RASA3: variants seen among roughly 807,000 people sequenced by gnomAD.
RASA3 encodes ras GTPase-activating protein 3.
In RASA3, 73 loss-of-function variants were observed where a neutral mutation model predicts 110.0. The observed-to-expected ratio is 0.66, with a 90% confidence interval of 0.55 to 0.81. RASA3 has a LOEUF of 0.81. RASA3 is among the 30% of genes least tolerant of loss of function. RASA3 has a pLI of 0.00. For synonymous variants in RASA3, 500 were observed against 451.4 expected (o/e 1.11, Z -1.37); for missense variants, 976 against 1,113.2 (o/e 0.88, Z 1.75).
At position 114,052,638 on chromosome 13, in the gene RASA3, G is replaced by A. The variant is rs117135219; in HGVS notation, c.174-483C>T. Among the ~76,000 whole-genome samples, 860 of 152,260 alleles carry A rather than the reference G, an allele frequency of 5.6e-3. 1 individual carries two copies. Among genetic ancestry groups the A allele is most frequent in the African/African-American group, 0.016 (684 of 41,516 alleles). On this transcript the variant is annotated intron_variant, in intron 2 of 23. Transcript: ENST00000334062. Reference sequence around the variant, plus strand: ...CCCAGCCGCCCTCACTCCTCGGGGAGAGACCCCCGCTGCTGACTGTACTTA... The same window carrying A: ...CCCAGCCGCCCTCACTCCTCGGGGAAAGACCCCCGCTGCTGACTGTACTTA...
At chr13:114,118,506 C>A (rs2080325841) in intron 1 of RASA3, among the ~76,000 whole-genome samples, 1 of 152,222 alleles carries the variant, frequency 6.6e-6, no homozygotes, top group African/African-American at 2.4e-5. Flanking sequence ...CCAACTCTAG[C>A]CCCAAATCCT....
intron 9 of RASA3, among the ~76,000 whole-genome samples, chr13:114,020,944 G>C (rs1349253167): frequency 1.3e-5 from 2 of 152,210 alleles, no homozygotes; most frequent in African/African-American, 4.8e-5. Context: ...ACTGGTGTCA[G>C]ACCTCACGAG....
intron 1 of RASA3, among the ~76,000 whole-genome samples, chr13:114,104,650 A>G (rs9590379): frequency 0.75 from 114,670 of 152,140 alleles, 43,475 homozygotes; most frequent in Middle Eastern, 0.82. Context: ...TGAACCGCAC[A>G]AGATTTGGCG....
chr13:113,979,575 G>A (rs776600983), intron 23 of RASA3, among the ~76,000 whole-genome samples, 153 bp from the exon 24 acceptor site: 8 of 152,222 alleles, frequency 5.3e-5, no homozygotes, highest in Non-Finnish European at 8.8e-5. Context: ...CAGTGCCCCC[G>A]GAAGCACCCA....
Position 114,018,898 on chromosome 13 carries a change from G to A in RASA3, c.807C>T (p.Asp269=), listed in dbSNP as rs1002328073. 1.5e-5 allele frequency: 24 copies of A among 1,613,764 alleles called. No homozygotes were observed. Among genetic ancestry groups the A allele is most frequent in the Non-Finnish European group, 1.9e-5 (22 of 1,179,992 alleles). The change falls in exon 10 of 24, where the codon GAC becomes GAT. Residue 269 remains aspartate, a synonymous_variant. Transcript: ENST00000334062. ...YEAWYFLQPR[D]NGSKSLKPDD... ...CTGGCTTTAGGCTCTTGCTACCATT[G>A]TCCCGGGGCTGGAGGAAGTACCTGG...
intron 7 of RASA3, among the ~76,000 whole-genome samples, chr13:114,026,503 C>A (rs915387366): frequency 2.0e-5 from 3 of 152,244 alleles, no homozygotes; most frequent in Admixed American, 2.0e-4. Flanking sequence ...ACACCAAGTT[C>A]CCACCTCTGC....
At chr13:114,036,671 G>A (rs1234938627) in intron 4 of RASA3, among the ~76,000 whole-genome samples, 1 of 152,190 alleles carries the variant, frequency 6.6e-6, no homozygotes, top group Non-Finnish European at 1.5e-5. Context: ...CGGAGTAGCT[G>A]GGATTACAGG....
At chr13:114,018,039 C>T (rs1343105440) in intron 11 of RASA3, 65 bp downstream of exon 11, 4 of 1,419,300 alleles carry the variant, frequency 2.8e-6, no homozygotes, top group Middle Eastern at 2.3e-4. Flanking sequence ...TGGTTCTCGG[C>T]GACGACCTTG....
At position 114,065,515 on chromosome 13, in the gene RASA3, G is replaced by A. The variant is rs1265613866; in HGVS notation, c.173+8205C>T. ...TGAGTCACTGCCTGACTCATCCTCA[G>A]AGGCGCCCCACAGAGAAGGGGCAAC... On this transcript the variant is annotated intron_variant, in intron 2 of 23. Transcript: ENST00000334062. The surrounding 1 kb of genome is among the most constrained non-coding windows in gnomAD (Gnocchi z 4.1). Among the ~76,000 whole-genome samples the A allele has an allele frequency of 6.6e-6, 1 of 152,180 alleles. No homozygotes were observed. The highest frequency in any genetic ancestry group is 1.5e-5 in the Non-Finnish European group (1 of 68,014).
chr13:114,128,457 C>T (rs1195879458), intron 1 of RASA3, among the ~76,000 whole-genome samples: 1 of 152,256 alleles, frequency 6.6e-6, no homozygotes, highest in African/African-American at 2.4e-5. Context: ...GGAGCCCTTA[C>T]CTTCTAGCCC....
At chr13:113,989,768 C>G (rs2053065582) in intron 22 of RASA3, among the ~76,000 whole-genome samples, 1 of 152,260 alleles carries the variant, frequency 6.6e-6, no homozygotes, top group East Asian at 1.9e-4. Flanking sequence ...GCTGCCTGCC[C>G]CGCCATCTGT....
At chr13:114,127,962 G>A (rs764911262) in intron 1 of RASA3, among the ~76,000 whole-genome samples, 8 of 152,076 alleles carry the variant, frequency 5.3e-5, no homozygotes, top group Non-Finnish European at 1.2e-4. Context: ...ACCCACACAC[G>A]CACAAGAAAC....
Position 114,015,215 on chromosome 13 carries a change from A to C in RASA3, c.1399T>G (p.Phe467Val). The change falls in exon 14 of 24, where the codon TTC (phenylalanine) becomes GTC (valine). Residue 467 changes from phenylalanine to valine, a missense_variant. Phe to Val is a conservative substitution (Grantham distance 50). This residue lies in a region of RASA3 where 732 missense variants were observed against 779.7 expected (regional missense o/e 0.94). Coordinates refer to ENST00000334062, the MANE Select transcript of RASA3 (RefSeq NM_007368.4). ...GGGTGTTCAGGGCACTCACCCTGGA[A>C]GCGCTTGGCCGCCGCCTCCCGGAGG... ...FSLREAAAKR[F>V]QDDPDVRYTA... The C allele has an allele frequency of 6.2e-7, 1 of 1,613,002 alleles. No individual in the cohort carries two copies. Among genetic ancestry groups the C allele is most frequent in the Non-Finnish European group, 8.5e-7 (1 of 1,179,978 alleles).
intron 2 of RASA3, among the ~76,000 whole-genome samples, chr13:114,068,283 G>A (rs1470207396): frequency 6.6e-6 from 1 of 152,258 alleles, no homozygotes; most frequent in Non-Finnish European, 1.5e-5. Context: ...GTGGCAGGGG[G>A]TAGGGTCAGA....
chr13:113,979,395 G>T lies in RASA3; in HGVS notation c.2457C>A (p.Phe819Leu), dbSNP rs776350768. ...CGGACTGCTGCCGGATGTAGTTCTG[G>T]AAGCTCTTGTCTCCGATGGGGTGCT... ...SQEHPIGDKS[F>L]QNYIRQQSET... Residue 819 changes from phenylalanine to leucine, a missense_variant, in exon 24 of 24, where the codon TTC becomes TTA. Physicochemically the swap from Phe to Leu is conservative, Grantham distance 22. Around this residue, in one of 4 missense-constraint regions of RASA3, gnomAD observed 132 missense variants for 152.8 expected, o/e 0.86. Coordinates refer to ENST00000334062, the MANE Select transcript of RASA3 (RefSeq NM_007368.4). 1.9e-6 allele frequency: 3 copies of T among 1,606,570 alleles called. No homozygotes were observed. The African/African-American group carries it at 4.0e-5, about 21-fold the overall frequency.
chr13:114,035,365 C>T (rs966421129), intron 4 of RASA3, among the ~76,000 whole-genome samples: 29 of 152,218 alleles, frequency 1.9e-4, no homozygotes, highest in Non-Finnish European at 1.3e-4. Context: ...AACTCACAGA[C>T]GCAGCAAAGG....
intron 3 of RASA3, among the ~76,000 whole-genome samples, chr13:114,050,644 G>A (rs2079129467): frequency 6.6e-6 from 1 of 152,268 alleles, no homozygotes; most frequent in Non-Finnish European, 1.5e-5. Context: ...AGCAAGACTG[G>A]TCAGGATAGG....
At position 114,103,497 on chromosome 13, in the gene RASA3, C is replaced by T. The variant is rs563926802; in HGVS notation, c.55+28938G>A. 3.3e-5 allele frequency among the ~76,000 whole-genome samples: 5 copies of T among 149,984 alleles called. No homozygotes were observed. The East Asian group carries it at 7.8e-4, about 23-fold the overall frequency. On this transcript the variant is annotated intron_variant, in intron 1 of 23. Transcript: ENST00000334062. ...CCGAGGAGCACCTGACACCGGAGCC[C>T]GAGTCTCGGCTCAGCACCACCACCC...
chr13:114,106,773 T>C (rs923924990), intron 1 of RASA3, among the ~76,000 whole-genome samples: 2 of 152,206 alleles, frequency 1.3e-5, no homozygotes, highest in African/African-American at 4.8e-5. Flanking sequence ...CAAAACCACC[T>C]GTCCATCCTC....
Sources: gnomAD v4.1 joint callset for allele counts (sites outside exome capture counted in the v4.1 genomes callset) on GRCh38, gnomAD v4.1.1 for gene constraint, gnomAD v4.1.1 regional missense constraint, Gnocchi (gnomAD v3.1) non-coding constraint, MANE v1.5 for transcripts, NCBI Gene and HGNC (gene_info 2026-07-23, HGNC 2026-07-21) for gene names.